Variants in GORAB observed in about 807,000 individuals in gnomAD.
GORAB encodes RAB6-interacting golgin.
GORAB carries 17 observed loss-of-function variants against 29.9 expected under a neutral mutation model. The ratio of observed to expected loss-of-function variants is 0.57; its 90% CI spans 0.39 to 0.85. The LOEUF is 0.85. Among genes scored for constraint, GORAB ranks in the 40% least tolerant of loss-of-function variants. The pLI, the probability that GORAB is intolerant of heterozygous loss-of-function variation, is 0.00. For synonymous variants in GORAB, 183 were observed against 157.2 expected, an observed-to-expected ratio of 1.16 and a Z score of -1.23; for missense variants, 442 against 437.8, an observed-to-expected ratio of 1.01 and a Z score of -0.09.
chr1:170,544,677 T>A, intron 3 of GORAB, 28 bp from the exon 4 acceptor site: 1 of 1,608,340 alleles, frequency 6.2e-7, no homozygotes, highest in Non-Finnish European at 8.5e-7. Flanking sequence ...ATGTTCTTAT[T>A]TTCCCACTCA....
Position 170,532,176 on chromosome 1 carries a change from G to A in GORAB, c.-48G>A, listed in dbSNP as rs538502049. The A allele has an allele frequency of 8.1e-6, 13 of 1,613,532 alleles. No individual in the cohort carries two copies. In the African/African-American group the frequency reaches 1.5e-4, roughly 18 times the overall value. On this transcript the variant is annotated 5_prime_UTR_variant, in exon 1 of 5. Coordinates refer to ENST00000367763, the MANE Select transcript of GORAB (RefSeq NM_152281.3). ...GAGCTGGGCAGCAGTGTTGGCAGTC[G>A]CGGCTGCGAGATTTGGGCACTTTTG...
chr1:170,533,527 TA>T (rs1648847892), intron 1 of GORAB: 25 of 453,902 alleles, frequency 5.5e-5, no homozygotes, highest in South Asian at 3.9e-4. Flanking sequence ...ACCACAAAGT[TA>T]TGTGATAGTA....
Position 170,539,584 on chromosome 1 carries a change from G to C in GORAB, c.419+17G>C, listed in dbSNP as rs371601165. ...AGTGGAATTGTTAGTAAGTCTATGTGAAAAGTCCATGAGACTTTTCATTTA... is the reference window on the plus strand; with the variant it reads ...AGTGGAATTGTTAGTAAGTCTATGTCAAAAGTCCATGAGACTTTTCATTTA... On this transcript the variant is annotated intron_variant, in intron 2 of 4. Transcript: ENST00000367763. The C allele has an allele frequency of 1.2e-6, 2 of 1,612,688 alleles. No homozygotes were observed. The highest frequency in any genetic ancestry group is 1.7e-6 in the Non-Finnish European group (2 of 1,179,774).
chr1:170,543,710 G>C (rs113019488), intron 3 of GORAB, among the ~76,000 whole-genome samples: 11 of 150,618 alleles, frequency 7.3e-5, no homozygotes, highest in African/African-American at 2.4e-4. Flanking sequence ...GAGATGGGAA[G>C]GCTGTTTTCT....
In GORAB at chr1:170,532,175, C is replaced by T. The variant is rs752273879; in HGVS notation, c.-49C>T. On this transcript the variant is annotated 5_prime_UTR_variant, in exon 1 of 5. Transcript: ENST00000367763. ...TGAGCTGGGCAGCAGTGTTGGCAGT[C>T]GCGGCTGCGAGATTTGGGCACTTTT... 1.2e-5 allele frequency: 20 copies of T among 1,613,300 alleles called. No individual in the cohort carries two copies. The highest frequency in any genetic ancestry group is 1.6e-5 in the Non-Finnish European group (19 of 1,180,026).
intron 1 of GORAB, among the ~76,000 whole-genome samples, chr1:170,535,118 T>A (rs1428240829): frequency 6.6e-6 from 1 of 152,164 alleles, no homozygotes; most frequent in Non-Finnish European, 1.5e-5. Context: ...AAATTGAACA[T>A]TGGCAATTAA....
At chr1:170,545,363 T>G (rs1649691455) in intron 4 of GORAB, 1 of 960,060 alleles carries the variant, frequency 1.0e-6, no homozygotes, top group Non-Finnish European at 1.2e-6. Context: ...CTTGGAAATT[T>G]GAAATATTTT....
intron 1 of GORAB, chr1:170,532,572 C>T (rs1334953874): frequency 4.8e-6 from 2 of 416,338 alleles, no homozygotes; most frequent in African/African-American, 2.0e-5. Context: ...GGAAGTGAGC[C>T]TACAGCCGGG....
At chr1:170,545,967 TTAAAC>T (rs1275504511) in intron 4 of GORAB, among the ~76,000 whole-genome samples, 5 of 152,186 alleles carry the variant, frequency 3.3e-5, no homozygotes, top group African/African-American at 1.2e-4. Context: ...TTATTTAAGA[TTAAAC>T]TAAGCCTTGA....
rs1490615373 is a variant in GORAB at position 170,539,495 on chromosome 1, A to G, written c.347A>G (p.His116Arg). 3 of 1,614,012 alleles carry G rather than the reference A, an allele frequency of 1.9e-6. No individual in the cohort carries two copies. The highest frequency in any genetic ancestry group is 1.7e-5 in the Admixed American group (1 of 59,994). Residue 116 changes from histidine (H) to arginine (R), a missense_variant, in exon 2 of 5, where the codon CAT becomes CGT. His to Arg is a conservative substitution (Grantham distance 29). Transcript: ENST00000367763. ...QPKELGLENS[H>R]DGHNNVEILP... ...AAGGAACTGGGACTTGAGAATTCCC[A>G]TGATGGTCACAACAATGTTGAGATT...
In GORAB at chr1:170,544,831, C is replaced by T; in HGVS notation, c.648C>T (p.Asp216=). 1 of 1,612,370 alleles carries T rather than the reference C, an allele frequency of 6.2e-7. No individual in the cohort carries two copies. Among genetic ancestry groups the T allele is most frequent in the Non-Finnish European group, 8.5e-7 (1 of 1,178,638 alleles). ...LRNRIDQASL[D]YSYARKRFDR... Reference sequence around the variant, plus strand: ...ACCGGATTGATCAGGCCAGCTTAGACTATTCATACGCTCGGTGAGTTGGGG... The same window carrying T: ...ACCGGATTGATCAGGCCAGCTTAGATTATTCATACGCTCGGTGAGTTGGGG... Residue 216 remains aspartate, a synonymous_variant, in exon 4 of 5, where the codon GAC becomes GAT. Coordinates refer to ENST00000367763, the MANE Select transcript of GORAB (RefSeq NM_152281.3).
chr1:170,540,141 C>T (rs578261973), intron 2 of GORAB, among the ~76,000 whole-genome samples: 76 of 151,824 alleles, frequency 5.0e-4, no homozygotes, highest in Admixed American at 1.8e-3. Context: ...TGTGGAGAGA[C>T]GTGAAGGGAT....
rs61730983 is a variant in GORAB, at chr1:170,552,234, C to T, written c.882C>T (p.His294=). The T allele has an allele frequency of 6.0e-4, 972 of 1,614,024 alleles. 7 individuals carry two copies. In the African/African-American group the frequency reaches 9.7e-3, roughly 16 times the overall value. The change falls in exon 5 of 5, where the codon CAC becomes CAT. Residue 294 remains histidine, a synonymous_variant. Coordinates refer to ENST00000367763, the MANE Select transcript of GORAB (RefSeq NM_152281.3). ...AGGTGGAGGTCGAGAGATTGCTACA[C>T]GAACAAGAAGTAGAATCAAGGAGAC... ...ELEVEVERLL[H]EQEVESRRPV...
At position 170,552,002 on chromosome 1, in the gene GORAB, C is replaced by G; in HGVS notation, c.663-13C>G. The G allele has an allele frequency of 6.2e-7, 1 of 1,610,128 alleles. No individual in the cohort carries two copies. The highest frequency in any genetic ancestry group is 8.5e-7 in the Non-Finnish European group (1 of 1,176,698). On this transcript the variant is annotated splice_polypyrimidine_tract_variant and intron_variant, in intron 4 of 4. Transcript: ENST00000367763. ...GAAAACTGATGGACCTATCTTTATA[C>G]ACATCCTTACAGGAAGCGGTTTGAC...
In GORAB at chr1:170,532,279, C is replaced by G; in HGVS notation, c.56C>G (p.Thr19Ser). The change falls in exon 1 of 5, where the codon ACT becomes AGT. Residue 19 changes from threonine to serine, a missense_variant. Thr to Ser is a moderately conservative substitution (Grantham distance 58, BLOSUM62 1). Transcript: ENST00000367763. ...SEEELRRLKQTKDPFEPQRRL... is the reference protein window; with the variant it reads ...SEEELRRLKQSKDPFEPQRRL... ...GAGGAACTGAGGAGACTAAAGCAGA[C>G]TAAAGGTTACAAGATGGGTTTACAG... The G allele has an allele frequency of 6.2e-7, 1 of 1,614,030 alleles. No individual in the cohort carries two copies. The highest frequency in any genetic ancestry group is 8.5e-7 in the Non-Finnish European group (1 of 1,179,934).
rs1650206384 is a variant in GORAB at position 170,552,730 on chromosome 1, G to C, written c.*268G>C. The stretch of plus-strand genomic sequence containing the variant: ...CTGAAAGTAAGTGACTTAAAAGGAT[G>C]GAAGAAAAACTACATGGTTGGAGTG... On this transcript the variant is annotated 3_prime_UTR_variant, in exon 5 of 5. Coordinates refer to ENST00000367763, the MANE Select transcript of GORAB (RefSeq NM_152281.3). The C allele has an allele frequency of 1.9e-6, 1 of 514,848 alleles. No individual in the cohort carries two copies. The highest frequency in any genetic ancestry group is 1.9e-5 in the African/African-American group (1 of 52,326). The allele number at this position is 514,848 out of a possible 1,614,324, so 31.9% of individuals were successfully genotyped here. A position where few individuals can be genotyped will look rare whatever the true frequency, so the allele number is the denominator to read the frequency against.
chr1:170,536,656 A>G (rs1208312500), intron 1 of GORAB, among the ~76,000 whole-genome samples: 2 of 152,248 alleles, frequency 1.3e-5, no homozygotes, highest in Non-Finnish European at 2.9e-5. Context: ...TACAAAAGCA[A>G]AAACCTGTAA....
At chr1:170,548,347 TC>T (rs1649887311) in intron 4 of GORAB, among the ~76,000 whole-genome samples, 1 of 3,602 alleles carries the variant, frequency 2.8e-4, no homozygotes, top group South Asian at 0.17. Context: ...TGGAATAAAC[TC>T]CTCAAAACCT....
chr1:170,550,879 A>G (rs112321303), intron 4 of GORAB, among the ~76,000 whole-genome samples: 4,118 of 152,292 alleles, frequency 0.027, 111 homozygotes, highest in African/African-American at 0.066. Flanking sequence ...AAAAGCAACA[A>G]ATTTTATAGA....
Sources: gnomAD v4.1 joint callset for allele counts (sites outside exome capture counted in the v4.1 genomes callset) on GRCh38, gnomAD v4.1.1 for gene constraint, MANE v1.5 for transcripts, NCBI Gene and HGNC (gene_info 2026-07-23, HGNC 2026-07-21) for gene names.